The following PDE1C variants were observed in gnomAD, a reference collection of about 807,000 sequenced individuals.
The protein encoded by PDE1C is phosphodiesterase 1C.
A neutral mutation model predicts 93.1 loss-of-function variants in PDE1C; 62 were observed. That is an observed-to-expected ratio of 0.67 (90% CI 0.54 to 0.82). The LOEUF (loss-of-function observed/expected upper bound fraction) is 0.82, where lower values mean the gene tolerates loss of function less well. Ranked by LOEUF, PDE1C falls within the 40% of genes least tolerant of loss-of-function variation. The probability of loss-of-function intolerance (pLI) is 0.00; values close to 1 mark genes in which losing one functional copy is unlikely to be tolerated. For synonymous variants in PDE1C, 325 were observed against 310.1 expected, an observed-to-expected ratio of 1.05 and a Z score of -0.50; for missense variants, 742 against 884.6, an observed-to-expected ratio of 0.84 and a Z score of 2.04.
At chr7:32,243,706 G>C (rs940486077) in intron 1 of PDE1C, among the ~76,000 whole-genome samples, 67 of 152,304 alleles carry the variant, frequency 4.4e-4, no homozygotes, top group African/African-American at 1.6e-3. Context: ...CTTTTCCTGG[G>C]AGAAGTCATA....
chr7:31,793,989 CAGAT>C (rs60751029), intron 16 of PDE1C, among the ~76,000 whole-genome samples: 13,404 of 104,928 alleles, frequency 0.13, 963 homozygotes, highest in Middle Eastern at 0.14. Context: ...ATAGATAAAC[CAGAT>C]AGATAGATAG....
chr7:31,658,358 A>G, the PDE1C span: 4 of 1,519,972 alleles, frequency 2.6e-6, no homozygotes, highest in Admixed American at 4.3e-5. Flanking sequence ...AAATCAAAAG[A>G]CTTTCTGAAG....
At chr7:31,865,858 G>A (rs1244318409) in intron 6 of PDE1C, among the ~76,000 whole-genome samples, 4 of 152,062 alleles carry the variant, frequency 2.6e-5, no homozygotes, top group African/African-American at 9.7e-5. Flanking sequence ...TATAACTTAA[G>A]ATTTTTGTGC....
In PDE1C at chr7:32,190,769, G is replaced by A. The variant is rs571224650; in HGVS notation, c.136+18720C>T. On this transcript the variant is annotated intron_variant, in intron 2 of 18. Coordinates refer to the PDE1C transcript ENST00000396193. Reference sequence around the variant, plus strand: ...GAGACAGCCATTAAAGATATACTTAGGATACAGTGTGAAGCAAGCAATACT... The same window carrying A: ...GAGACAGCCATTAAAGATATACTTAAGATACAGTGTGAAGCAAGCAATACT... 2.6e-5 allele frequency among the ~76,000 whole-genome samples: 4 copies of A among 152,132 alleles called. No individual in the cohort carries two copies. The South Asian group carries it at 8.3e-4, about 32-fold the overall frequency.
At chr7:31,672,692 G>A in the PDE1C span, among the ~76,000 whole-genome samples, 1 of 152,142 alleles carries the variant, frequency 6.6e-6, no homozygotes, top group Non-Finnish European at 1.5e-5. Context: ...TCCATTCAGA[G>A]CTTGCCATAG....
chr7:31,827,592 T>A (rs1789851081), intron 12 of PDE1C, among the ~76,000 whole-genome samples: 2 of 152,028 alleles, frequency 1.3e-5, no homozygotes, highest in African/African-American at 4.8e-5. Context: ...CAATATACAT[T>A]ATAAAAAAAG....
chr7:31,976,115 T>C (rs1174303044), intron 2 of PDE1C, among the ~76,000 whole-genome samples: 1 of 152,212 alleles, frequency 6.6e-6, no homozygotes, highest in Non-Finnish European at 1.5e-5. Flanking sequence ...ACAGTTTTCT[T>C]AGAAGGAAAA....
At chr7:31,943,298 A>G (rs1806099048) in intron 2 of PDE1C, among the ~76,000 whole-genome samples, 1 of 152,200 alleles carries the variant, frequency 6.6e-6, no homozygotes, top group African/African-American at 2.4e-5. Context: ...TGTGAGGTAT[A>G]GCCCAGGGAG....
chr7:31,989,682 A>G (rs147189832), intron 2 of PDE1C, among the ~76,000 whole-genome samples: 1 of 152,248 alleles, frequency 6.6e-6, no homozygotes, highest in Non-Finnish European at 1.5e-5. Context: ...AACGTCACTC[A>G]TTAGAGCTAT....
chr7:31,856,433 A>G (rs1352062682), intron 7 of PDE1C, among the ~76,000 whole-genome samples: 1 of 152,246 alleles, frequency 6.6e-6, no homozygotes, highest in Non-Finnish European at 1.5e-5. Context: ...AGCATGCAGT[A>G]AATCATGATC....
intron 16 of PDE1C, among the ~76,000 whole-genome samples, chr7:31,802,681 A>T (rs1311698355): frequency 1.3e-5 from 2 of 151,178 alleles, no homozygotes; most frequent in African/African-American, 2.4e-5. Flanking sequence ...TATTTTTGCT[A>T]GGCACAGAAT....
At chr7:32,084,860 G>C (rs4637714) in intron 3 of PDE1C, among the ~76,000 whole-genome samples, 83,637 of 137,272 alleles carry the variant, frequency 0.61, 26,217 homozygotes, top group African/African-American at 0.7. Flanking sequence ...GCAGTGTGTA[G>C]AGGGAAATTT....
At chr7:31,790,942 C>T (rs1044568779) in intron 16 of PDE1C, among the ~76,000 whole-genome samples, 1 of 152,146 alleles carries the variant, frequency 6.6e-6, no homozygotes, top group African/African-American at 2.4e-5. Context: ...AACAAACCCA[C>T]CATATTATTT....
chr7:31,945,308 C>T (rs1225518053), intron 2 of PDE1C, among the ~76,000 whole-genome samples: 1 of 151,994 alleles, frequency 6.6e-6, no homozygotes, highest in Non-Finnish European at 1.5e-5. Flanking sequence ...TTATTTTATA[C>T]TCATTTATTT....
chr7:31,830,211 A>C (rs1308320293), intron 11 of PDE1C, among the ~76,000 whole-genome samples: 1 of 151,936 alleles, frequency 6.6e-6, no homozygotes, highest in Admixed American at 6.6e-5. Context: ...AAAAAAAAAA[A>C]CAGTGCTGAT....
intron 1 of PDE1C, among the ~76,000 whole-genome samples, chr7:32,237,742 G>GTGTA (rs1554293052): frequency 0.059 from 1,841 of 31,446 alleles, 200 homozygotes; most frequent in Non-Finnish European, 0.082. Flanking sequence ...TTGGCTCTGT[G>GTGTA]TATATATATA....
chr7:31,946,797 C>T (rs73686844), intron 2 of PDE1C, among the ~76,000 whole-genome samples: 4,455 of 152,264 alleles, frequency 0.029, 114 homozygotes, highest in African/African-American at 0.068. Context: ...CGGACTTTGT[C>T]GCCCCCATGG....
intron 11 of PDE1C, among the ~76,000 whole-genome samples, chr7:31,830,828 C>G (rs1041442545): frequency 5.9e-5 from 9 of 152,138 alleles, no homozygotes; most frequent in Non-Finnish European, 1.0e-4. Context: ...ACTTTGGAAG[C>G]AAGGTAGATG....
At chr7:31,769,375 T>C (rs1562762946) in intron 17 of PDE1C, among the ~76,000 whole-genome samples, 1 of 152,228 alleles carries the variant, frequency 6.6e-6, no homozygotes, top group African/African-American at 2.4e-5. Context: ...GATGTAGCTT[T>C]AGGCAATGTC....
Sources: gnomAD v4.1 joint callset for allele counts (sites outside exome capture counted in the v4.1 genomes callset) on GRCh38, gnomAD v4.1.1 for gene constraint, MANE v1.5 for transcripts, NCBI Gene and HGNC (gene_info 2026-07-23, HGNC 2026-07-21) for gene names.